BABAM2: variants seen among roughly 807,000 people sequenced by gnomAD.
The protein encoded by BABAM2 is BRISC and BRCA1-A complex member 2.
Under a neutral mutation model 54.7 loss-of-function variants are expected in BABAM2, and 31 were observed. That is an observed-to-expected ratio of 0.57 (90% CI 0.43 to 0.77). The LOEUF is 0.77. Ranked by LOEUF, BABAM2 falls within the 30% of genes least tolerant of loss-of-function variation. The probability of loss-of-function intolerance (pLI) is 0.00; values close to 1 mark genes in which losing one functional copy is unlikely to be tolerated. For synonymous variants in BABAM2, 167 were observed against 162.9 expected (o/e 1.03, Z -0.19); for missense variants, 364 against 455.8 (o/e 0.80, Z 1.83).
chr2:28,241,786 C>T (rs1266851778), intron 9 of BABAM2, among the ~76,000 whole-genome samples: 1 of 152,044 alleles, frequency 6.6e-6, no homozygotes. Context: ...AGCCACCACA[C>T]CCAGCCCCAC....
At chr2:28,183,636 A>G (rs981827796) in intron 7 of BABAM2, among the ~76,000 whole-genome samples, 13 of 151,990 alleles carry the variant, frequency 8.6e-5, no homozygotes, top group African/African-American at 3.1e-4. Context: ...ACAGCATCCA[A>G]ACAGGCTCAG....
At chr2:28,168,518 T>G (rs1404141124) in intron 7 of BABAM2, among the ~76,000 whole-genome samples, 1 of 152,148 alleles carries the variant, frequency 6.6e-6, no homozygotes, top group Non-Finnish European at 1.5e-5. Flanking sequence ...TTCCTTTCAT[T>G]TATGCCAAAT....
At chr2:28,205,186 C>T (rs1678709811) in intron 7 of BABAM2, among the ~76,000 whole-genome samples, 1 of 151,882 alleles carries the variant, frequency 6.6e-6, no homozygotes, top group Non-Finnish European at 1.5e-5. Context: ...GCAGCTTTGC[C>T]TAACCTAGCC....
chr2:28,052,301 T>C (rs1296136538), intron 6 of BABAM2, among the ~76,000 whole-genome samples: 6 of 151,316 alleles, frequency 4.0e-5, no homozygotes, highest in African/African-American at 7.3e-5. Context: ...TTTTTTTTTT[T>C]CCAATAGACA....
intron 4 of BABAM2, among the ~76,000 whole-genome samples, chr2:28,003,504 C>A (rs1234917625): frequency 6.6e-6 from 1 of 152,022 alleles, no homozygotes; most frequent in Admixed American, 6.6e-5. Flanking sequence ...GTGGGAGAAT[C>A]GTTTGAGCCT....
At position 28,196,836 on chromosome 2, in the gene BABAM2, C is replaced by CTTTTTTTTTTTTTTTTT. The variant is rs759950166; in HGVS notation, c.681-40355_681-40339dup. The stretch of plus-strand genomic sequence containing the variant: ...CCTGGGTGACAGAGTGAGACCCTGT[C>CTTTTTTTTTTTTTTTTT]TTTTTTTTTTTTTTTTTTTTTTTTT... On this transcript the variant is annotated intron_variant, in intron 7 of 11. Transcript: ENST00000379624. Among the ~76,000 whole-genome samples, 2 of 40,248 alleles carry CTTTTTTTTTTTTTTTTT rather than the reference C, an allele frequency of 5.0e-5. 1 individual carries two copies. Among genetic ancestry groups the CTTTTTTTTTTTTTTTTT allele is most frequent in the African/African-American group, 1.9e-4 (2 of 10,466 alleles). The allele number at this position is 40,248 out of a possible 152,430, so 26.4% of individuals were successfully genotyped here.
intron 11 of BABAM2, among the ~76,000 whole-genome samples, chr2:28,332,914 T>C (rs572576030): frequency 6.6e-6 from 1 of 152,298 alleles, no homozygotes; most frequent in East Asian, 1.9e-4. Context: ...ATTGGCCATC[T>C]CTGCCTGCGA....
At chr2:28,323,007 C>A (rs1205743441) in intron 11 of BABAM2, among the ~76,000 whole-genome samples, 1 of 152,178 alleles carries the variant, frequency 6.6e-6, no homozygotes, top group Non-Finnish European at 1.5e-5. Context: ...AAAGCAATAG[C>A]AGTAAGAAGC....
rs1032995588 is a variant in BABAM2 at position 27,995,080 on chromosome 2, C to T, written c.300+6993C>T. On this transcript the variant is annotated intron_variant, in intron 4 of 11. Transcript: ENST00000379624. This position sits in a 1 kb window ranked among gnomAD's most constrained non-coding sequence, Gnocchi z 4.1. Reference sequence around the variant, plus strand: ...GAAGACCCTTTCCCCCATCACACCCCGTCACAGCTGAGATTCCTACCTCCT... The same window carrying T: ...GAAGACCCTTTCCCCCATCACACCCTGTCACAGCTGAGATTCCTACCTCCT... 1.5e-4 allele frequency among the ~76,000 whole-genome samples: 23 copies of T among 152,152 alleles called. No individual in the cohort carries two copies. The highest frequency in any genetic ancestry group is 1.4e-3 in the Admixed American group (22 of 15,258).
intron 7 of BABAM2, among the ~76,000 whole-genome samples, chr2:28,234,116 C>G (rs1162221133): frequency 6.6e-6 from 1 of 152,164 alleles, no homozygotes; most frequent in Non-Finnish European, 1.5e-5. Context: ...CGGTGACAGG[C>G]AAACCTGTGT....
chr2:28,293,404 G>A (rs7567409), intron 10 of BABAM2, among the ~76,000 whole-genome samples: 38,555 of 151,988 alleles, frequency 0.25, 5,954 homozygotes, highest in East Asian at 0.61. Flanking sequence ...TGCTTGGGAA[G>A]GTAGAAATGC....
In BABAM2 at chr2:28,249,024, C is replaced by T. The variant is rs143245869; in HGVS notation, c.934+4162C>T. Among the ~76,000 whole-genome samples, 695 of 151,714 alleles carry T rather than the reference C, an allele frequency of 4.6e-3. 5 individuals are homozygous for T. The highest frequency in any genetic ancestry group is 0.016 in the African/African-American group (665 of 41,358). On this transcript the variant is annotated intron_variant, in intron 10 of 11. Coordinates refer to ENST00000379624, the MANE Select transcript of BABAM2 (RefSeq NM_199191.3). Reference sequence around the variant, plus strand: ...AAACTACAGCCTGTGGGCCAAATCCCGTGTCAGCCTGTTTTTATAGGGCCC... The same window carrying T: ...AAACTACAGCCTGTGGGCCAAATCCTGTGTCAGCCTGTTTTTATAGGGCCC...
At chr2:27,990,578 T>C (rs181437527) in intron 4 of BABAM2, among the ~76,000 whole-genome samples, 2 of 152,260 alleles carry the variant, frequency 1.3e-5, no homozygotes, top group East Asian at 3.9e-4. Flanking sequence ...GGCATGAGTA[T>C]ATACCCTTAG....
intron 6 of BABAM2, among the ~76,000 whole-genome samples, chr2:28,049,930 T>C (rs1020940739): frequency 3.3e-5 from 5 of 152,226 alleles, no homozygotes; most frequent in African/African-American, 9.6e-5. Flanking sequence ...TACCTACTTA[T>C]AGTCAGTCTG....
At chr2:27,934,352 T>TA (rs1668336190) in intron 3 of BABAM2, among the ~76,000 whole-genome samples, 1 of 152,250 alleles carries the variant, frequency 6.6e-6, no homozygotes, top group African/African-American at 2.4e-5. Flanking sequence ...TGCCATAACA[T>TA]ACATACCCAT....
chr2:27,942,953 A>G (rs997639582), intron 3 of BABAM2, among the ~76,000 whole-genome samples: 2 of 151,702 alleles, frequency 1.3e-5, no homozygotes, highest in Non-Finnish European at 2.9e-5. Flanking sequence ...ATAGGTGTGC[A>G]TCACCATTTT....
intron 6 of BABAM2, among the ~76,000 whole-genome samples, chr2:28,109,956 C>T (rs900952987): frequency 6.6e-6 from 1 of 152,000 alleles, no homozygotes; most frequent in African/African-American, 2.4e-5. Context: ...TAATGTTGTG[C>T]GACCATCATG....
At position 27,985,613 on chromosome 2, in the gene BABAM2, T is replaced by C. The variant is rs73923960; in HGVS notation, c.206-2380T>C. Among the ~76,000 whole-genome samples the C allele has an allele frequency of 9.2e-3, 1,402 of 152,286 alleles. 24 individuals carry two copies. The highest frequency in any genetic ancestry group is 0.032 in the African/African-American group (1,310 of 41,574). On this transcript the variant is annotated intron_variant, in intron 3 of 11. Transcript: ENST00000379624. ...GTGTTTATTGAATATATTCTATTTG[T>C]GCTGTACTTTCCCCTGTCAGAAACA... is the stretch of plus-strand genomic sequence containing the variant.
chr2:28,031,582 A>G (rs1257346883), intron 5 of BABAM2, among the ~76,000 whole-genome samples: 6 of 152,154 alleles, frequency 3.9e-5, no homozygotes, highest in Admixed American at 3.9e-4. Flanking sequence ...AGTAGATCAG[A>G]TATGGCCTTG....
Sources: allele counts gnomAD v4.1 joint callset (sites outside exome capture counted in the v4.1 genomes callset), GRCh38; gene constraint gnomAD v4.1.1; non-coding constraint Gnocchi (gnomAD v3.1); transcripts MANE v1.5; gene names NCBI Gene and HGNC (gene_info 2026-07-23, HGNC 2026-07-21).